Variants in ABCG1 observed in about 807,000 individuals in gnomAD.
ABCG1 encodes the protein ATP-binding cassette sub-family G member 1.
ABCG1 carries 29 observed loss-of-function variants against 69.2 expected under a neutral mutation model. The ratio of observed to expected loss-of-function variants is 0.42; its 90% CI spans 0.31 to 0.57. The LOEUF (loss-of-function observed/expected upper bound fraction) is 0.57, where lower values mean the gene tolerates loss of function less well. Among genes scored for constraint, ABCG1 ranks in the 20% least tolerant of loss-of-function variants. ABCG1 has a pLI of 0.15. For missense variants in ABCG1, 718 were observed against 898.1 expected, an observed-to-expected ratio of 0.80 and a Z score of 2.56; for synonymous variants, 370 against 374.8, an observed-to-expected ratio of 0.99 and a Z score of 0.15.
In ABCG1 at chr21:42,219,320, C is replaced by T. The variant is rs367738134; in HGVS notation, c.42+16C>T. 5.8e-5 allele frequency: 93 copies of T among 1,597,742 alleles called. 1 individual carries two copies. In the African/African-American group the frequency reaches 1.2e-3, roughly 21 times the overall value. ...CACCGCCATGGTGAGTGAGCGCATC[C>T]TTCGTCCGCCGGGAACGGTTTTATT... On this transcript the variant is annotated intron_variant, in intron 1 of 14. Transcript: ENST00000398449. The surrounding 1 kb of genome is among the most constrained non-coding windows in gnomAD (Gnocchi z 5.3).
upstream of ABCG1, among the ~76,000 whole-genome samples, chr21:42,214,599 G>C (rs1227160969): frequency 6.6e-6 from 1 of 152,188 alleles, no homozygotes; most frequent in African/African-American, 2.4e-5. Flanking sequence ...CTGGGATGAC[G>C]AGGGCACGGT....
In ABCG1 at chr21:42,296,118, G is replaced by T. The variant is rs189036478; in HGVS notation, c.1773-46G>T. 105 of 1,548,812 alleles carry T rather than the reference G, an allele frequency of 6.8e-5. No homozygotes were observed. The highest frequency in any genetic ancestry group is 9.2e-5 in the Non-Finnish European group (103 of 1,121,418). On this transcript the variant is annotated intron_variant, in intron 14 of 14. Transcript: ENST00000398449. The surrounding 1 kb of genome is among the most constrained non-coding windows in gnomAD (Gnocchi z 5.4). ...ACATTGACCTTCAGCCAACGGCGTG[G>T]CTGGCTGGGAGAACGTCCTCCCTCA... is the stretch of plus-strand genomic sequence containing the variant.
intron 2 of ABCG1, among the ~76,000 whole-genome samples, chr21:42,236,330 G>T (rs1028174249): frequency 2.0e-5 from 3 of 152,202 alleles, no homozygotes; most frequent in African/African-American, 2.4e-5. Flanking sequence ...TTACAGTTTT[G>T]TGTGTGTGAA....
At chr21:42,245,623 G>A (rs2068120534) in intron 2 of ABCG1, among the ~76,000 whole-genome samples, 1 of 152,212 alleles carries the variant, frequency 6.6e-6, no homozygotes, top group Non-Finnish European at 1.5e-5. Context: ...GTGGTGTGAG[G>A]GAGGCAGGGA....
intron 7 of ABCG1, among the ~76,000 whole-genome samples, chr21:42,285,460 C>T (rs1024164324): frequency 2.6e-5 from 4 of 151,498 alleles, no homozygotes; most frequent in Admixed American, 6.6e-5. Flanking sequence ...GAGCCAAGAT[C>T]GTGCCACTGC....
intron 8 of ABCG1, 158 bp downstream of exon 8, chr21:42,286,152 G>C (rs1364587636): frequency 3.3e-6 from 2 of 600,992 alleles, no homozygotes; most frequent in African/African-American, 1.9e-5. Context: ...AAAAAAATTA[G>C]GTTTCATTTC....
At chr21:42,292,483 C>T (rs1182476155) in intron 13 of ABCG1, among the ~76,000 whole-genome samples, 3 of 152,026 alleles carry the variant, frequency 2.0e-5, no homozygotes, top group Non-Finnish European at 2.9e-5. Context: ...ACCCCCAGGA[C>T]CCCTGCCTAG....
intron 2 of ABCG1, among the ~76,000 whole-genome samples, chr21:42,239,619 G>A (rs562681703): frequency 3.3e-5 from 5 of 152,174 alleles, no homozygotes; most frequent in African/African-American, 7.2e-5. Flanking sequence ...GGCCTGGTCC[G>A]GGGTCACAGG....
chr21:42,201,978 GT>G (rs1361622630), intron 2 of ABCG1, among the ~76,000 whole-genome samples: 1 of 152,144 alleles, frequency 6.6e-6, no homozygotes, highest in Non-Finnish European at 1.5e-5. Context: ...CTCTGCCCTT[GT>G]CCCCCAAACC....
In ABCG1 at chr21:42,294,585, T is replaced by A; in HGVS notation, c.1697T>A (p.Leu566Gln). 1 of 1,614,210 alleles carries A rather than the reference T, an allele frequency of 6.2e-7. No individual in the cohort carries two copies. The highest frequency in any genetic ancestry group is 8.5e-7 in the Non-Finnish European group (1 of 1,180,012). The stretch of plus-strand genomic sequence containing the variant: ...CCAGTGACAGCCATCCCGGTGCTCC[T>A]GTTCTCGGGGTTCTTCGTCAGCTTC... ...VGPVTAIPVL[L>Q]FSGFFVSFDT... Residue 566 changes from leucine to glutamine, a missense_variant, in exon 14 of 15, where the codon CTG becomes CAG. Leu to Gln is a moderately radical substitution (Grantham distance 113). Around this residue, in one of 2 missense-constraint regions of ABCG1, gnomAD observed 204 missense variants for 323.8 expected, o/e 0.63. Coordinates refer to ENST00000398449, the MANE Select transcript of ABCG1 (RefSeq NM_016818.3).
chr21:42,232,530 G>A (rs1447471649), intron 2 of ABCG1, among the ~76,000 whole-genome samples: 1 of 152,218 alleles, frequency 6.6e-6, no homozygotes, highest in Non-Finnish European at 1.5e-5. Flanking sequence ...TTTTCCCAGA[G>A]AGTGCTCCTG....
At chr21:42,269,576 C>T (rs1457554201) in intron 2 of ABCG1, among the ~76,000 whole-genome samples, 2 of 152,188 alleles carry the variant, frequency 1.3e-5, no homozygotes, top group South Asian at 2.1e-4. Flanking sequence ...GATGACTCTC[C>T]TCACCCTCCC....
chr21:42,277,112 A>G (rs1450734047), intron 5 of ABCG1, among the ~76,000 whole-genome samples, 167 bp downstream of exon 5: 2 of 152,152 alleles, frequency 1.3e-5, no homozygotes, highest in Non-Finnish European at 2.9e-5. Flanking sequence ...TGTGGCCTGC[A>G]GCAGCCAGAG....
rs565742021 is a variant in ABCG1 at position 42,277,016 on chromosome 21, C to T, written c.588+71C>T. On this transcript the variant is annotated intron_variant, in intron 5 of 14. Coordinates refer to ENST00000398449, the MANE Select transcript of ABCG1 (RefSeq NM_016818.3). ...ACGTGCATGTGGAAGGTGTGCCTGC[C>T]GGGGCATTTTGGCATTGGCTTTTGT... 189 of 1,544,076 alleles carry T rather than the reference C, an allele frequency of 1.2e-4. 1 individual carries two copies. The highest frequency in any genetic ancestry group is 1.0e-3 in the Middle Eastern group (6 of 5,950).
At chr21:42,208,038 T>C (rs1313073355) in intron 2 of ABCG1, among the ~76,000 whole-genome samples, 1 of 152,180 alleles carries the variant, frequency 6.6e-6, no homozygotes, top group Non-Finnish European at 1.5e-5. Context: ...TGTGCCTAAT[T>C]ACAGCCTGAG....
intron 2 of ABCG1, among the ~76,000 whole-genome samples, chr21:42,263,175 G>A (rs1030619476): frequency 6.6e-6 from 1 of 152,208 alleles, no homozygotes; most frequent in Admixed American, 6.5e-5. Context: ...TCCAGGGGCT[G>A]TCTGGCAAGT....
chr21:42,213,324 C>T (rs1361977795), upstream of ABCG1, among the ~76,000 whole-genome samples: 1 of 152,272 alleles, frequency 6.6e-6, no homozygotes, highest in African/African-American at 2.4e-5. Context: ...CCTCAGAGGG[C>T]ACAATCAATA....
chr21:42,291,668 G>A lies in ABCG1; in HGVS notation c.1653+12G>A. 2 of 1,593,136 alleles carry A rather than the reference G, an allele frequency of 1.3e-6. No homozygotes were observed. Reference sequence around the variant, plus strand: ...CCACGTCCCTGCAGGTGCCAGCCCAGGAGGCGCTAAGTGAGGGCATGACGG... The same window carrying A: ...CCACGTCCCTGCAGGTGCCAGCCCAAGAGGCGCTAAGTGAGGGCATGACGG... On this transcript the variant is annotated intron_variant, in intron 13 of 14. Coordinates refer to ENST00000398449, the MANE Select transcript of ABCG1 (RefSeq NM_016818.3). The surrounding 1 kb of genome is among the most constrained non-coding windows in gnomAD (Gnocchi z 6.4).
At chr21:42,224,650 G>GGT (rs761316506) in intron 1 of ABCG1, among the ~76,000 whole-genome samples, 11 of 152,088 alleles carry the variant, frequency 7.2e-5, no homozygotes, top group Admixed American at 1.3e-4. Flanking sequence ...GCCTGGAAGG[G>GGT]GTGTGTGTGT....
Sources: gnomAD v4.1 joint callset for allele counts (sites outside exome capture counted in the v4.1 genomes callset) on GRCh38, gnomAD v4.1.1 for gene constraint, gnomAD v4.1.1 regional missense constraint, Gnocchi (gnomAD v3.1) non-coding constraint, MANE v1.5 for transcripts, NCBI Gene and HGNC (gene_info 2026-07-23, HGNC 2026-07-21) for gene names.